CD82: variants seen among roughly 807,000 people sequenced by gnomAD.
CD82 encodes CD82 antigen.
In CD82, 36 loss-of-function variants were observed where a neutral mutation model predicts 37.4. That is an observed-to-expected ratio of 0.96 (90% confidence interval 0.74 to 1.27). CD82 has a LOEUF of 1.27. Ranked by LOEUF, CD82 falls within the 50% of genes most tolerant of loss-of-function variation. The pLI is 0.00. For synonymous variants in CD82, 158 were observed against 137.4 expected (o/e 1.15, Z -1.05); for missense variants, 340 against 347.0 (o/e 0.98, Z 0.16).
At chr11:44,603,062 TTTTTTCTGGGAGTAATCACTGGGAG>T (rs1304010161) in intron 4 of CD82, among the ~76,000 whole-genome samples, 1 of 152,192 alleles carries the variant, frequency 6.6e-6, no homozygotes. Context: ...TGTCAGTTTC[TTTTTTCTGGGAGTAATCACTGGGAG>T]GAATTGTTGG....
chr11:44,590,569 C>A (rs1228674702), intron 2 of CD82, among the ~76,000 whole-genome samples: 5 of 136,822 alleles, frequency 3.7e-5, no homozygotes, highest in Non-Finnish European at 7.6e-5. Flanking sequence ...CAAGATTGTG[C>A]CTCTGCCCTC....
intron 1 of CD82, among the ~76,000 whole-genome samples, chr11:44,571,583 A>T (rs1565078652): frequency 2.7e-5 from 4 of 150,756 alleles, no homozygotes; most frequent in Middle Eastern, 3.2e-3. Flanking sequence ...TTTTATTTTT[A>T]TTTTTTTTTG....
At chr11:44,600,373 G>A in intron 4 of CD82, 143 bp downstream of exon 4, 1 of 710,928 alleles carries the variant, frequency 1.4e-6, no homozygotes, top group Non-Finnish European at 2.4e-6. Flanking sequence ...AGGTCCTGCT[G>A]CCCACCACTG....
chr11:44,584,216 G>A (rs1025779192), intron 1 of CD82, among the ~76,000 whole-genome samples: 4 of 152,178 alleles, frequency 2.6e-5, no homozygotes, highest in African/African-American at 9.7e-5. Flanking sequence ...GCTCAGAGGG[G>A]TTTAGTTACT....
intron 1 of CD82, among the ~76,000 whole-genome samples, chr11:44,586,033 A>G (rs1411401197): frequency 6.6e-6 from 1 of 152,156 alleles, no homozygotes; most frequent in Non-Finnish European, 1.5e-5. Context: ...GCTGTACCAG[A>G]AACCCCAGGC....
intron 6 of CD82, chr11:44,608,142 T>C (rs779745825): frequency 1.3e-5 from 2 of 152,202 alleles, no homozygotes; most frequent in Non-Finnish European, 2.9e-5. Flanking sequence ...TAAATCTCAG[T>C]GGAAGACTAA....
intron 6 of CD82, among the ~76,000 whole-genome samples, chr11:44,612,623 ATTTTTTTTTTT>A (rs34301171): frequency 7.9e-5 from 5 of 63,042 alleles, no homozygotes; most frequent in Admixed American, 2.6e-4. Flanking sequence ...CCCAGCATTA[ATTTTTTTTTTT>A]TTTTTTTTTT....
chr11:44,612,532 G>A (rs1342136519), intron 6 of CD82, among the ~76,000 whole-genome samples: 1 of 124,552 alleles, frequency 8.0e-6, no homozygotes, highest in Admixed American at 7.6e-5. Flanking sequence ...CTCTGTATAA[G>A]GGCTTTTTTT....
intron 2 of CD82, among the ~76,000 whole-genome samples, chr11:44,589,290 A>G (rs1435976567): frequency 6.6e-6 from 1 of 152,210 alleles, no homozygotes; most frequent in Non-Finnish European, 1.5e-5. Context: ...AACAAAGATC[A>G]GTACCTCCAT....
At chr11:44,603,293 T>A (rs1307074605) in intron 4 of CD82, among the ~76,000 whole-genome samples, 2 of 152,174 alleles carry the variant, frequency 1.3e-5, no homozygotes, top group Non-Finnish European at 2.9e-5. Context: ...ACATTCTGTC[T>A]GTTATCAGGA....
In CD82 at chr11:44,567,699, C is replaced by T. The variant is rs566359867; in HGVS notation, c.-103+1963C>T. On this transcript the variant is annotated intron_variant, in intron 1 of 9. Coordinates refer to ENST00000227155, the MANE Select transcript of CD82 (RefSeq NM_002231.4). The stretch of plus-strand genomic sequence containing the variant: ...TAATGGAAAGCCCTCCCCACCACCA[C>T]CCCCACTTCCTGCTCGATGAATGAC... 9.5e-4 allele frequency among the ~76,000 whole-genome samples: 144 copies of T among 152,256 alleles called. 2 individuals are homozygous for T. In the South Asian group the frequency reaches 0.029, roughly 30 times the overall value.
At chr11:44,611,686 A>G (rs1193236129) in intron 6 of CD82, among the ~76,000 whole-genome samples, 3 of 152,142 alleles carry the variant, frequency 2.0e-5, no homozygotes, top group African/African-American at 7.2e-5. Flanking sequence ...TTTTTGTCTC[A>G]GTAGCTACCT....
At chr11:44,610,214 CTCAAGTATCTG>C (rs1853460622) in intron 6 of CD82, among the ~76,000 whole-genome samples, 1 of 152,188 alleles carries the variant, frequency 6.6e-6, no homozygotes, top group Non-Finnish European at 1.5e-5. Context: ...GTAGTCTAGT[CTCAAGTATCTG>C]GATGACATGT....
Position 44,619,378 on chromosome 11 carries a change from T to A in CD82, c.*252T>A. ...GTTCTCTTAGCAACTCAGAGAAAAATGCTCCCCACAGCGTCCCTGGCGCAG... is the reference window on the plus strand; with the variant it reads ...GTTCTCTTAGCAACTCAGAGAAAAAAGCTCCCCACAGCGTCCCTGGCGCAG... On this transcript the variant is annotated 3_prime_UTR_variant, in exon 10 of 10. Transcript: ENST00000227155. 2.0e-6 allele frequency: 1 copy of A among 507,658 alleles called. No individual in the cohort carries two copies. Among genetic ancestry groups the A allele is most frequent in the South Asian group, 2.4e-5 (1 of 41,226 alleles). The allele number at this position is 507,658 out of a possible 1,614,324, so 31.4% of individuals were successfully genotyped here.
At chr11:44,617,326 A>T (rs897717649) in intron 7 of CD82, among the ~76,000 whole-genome samples, 2 of 152,180 alleles carry the variant, frequency 1.3e-5, no homozygotes, top group Non-Finnish European at 2.9e-5. Context: ...TGGGAGGCCG[A>T]GGCGGGCGGA....
chr11:44,601,725 G>C (rs1039122842), intron 4 of CD82, among the ~76,000 whole-genome samples: 6 of 152,138 alleles, frequency 3.9e-5, no homozygotes, highest in African/African-American at 1.4e-4. Flanking sequence ...GCAGGAGGGG[G>C]TGCATTTTAC....
chr11:44,596,956 G>C (rs753621987), intron 3 of CD82: 3 of 456,238 alleles, frequency 6.6e-6, no homozygotes, highest in Non-Finnish European at 1.3e-5. Context: ...GAGGCTCTTG[G>C]CCTGGTCATG....
At chr11:44,615,226 C>A (rs373595434) in intron 6 of CD82, 46 bp from the exon 7 acceptor site, 4 of 1,315,854 alleles carry the variant, frequency 3.0e-6, no homozygotes, top group African/African-American at 1.4e-5. Context: ...CAGGTGGGCA[C>A]GGGTTTCAGG....
At position 44,565,744 on chromosome 11, in the gene CD82, AG is replaced by A; in HGVS notation, c.-103+13del. ...AGAAAGCAGAACCCGCAGGTGAGCA[AG>A]GGGGCAGCGGGCCGGGGTAGCCTGC... is the stretch of plus-strand genomic sequence containing the variant. On this transcript the variant is annotated intron_variant, in intron 1 of 9. Coordinates refer to ENST00000227155, the MANE Select transcript of CD82 (RefSeq NM_002231.4). The A allele has an allele frequency of 6.6e-6, 1 of 152,264 alleles. No individual in the cohort carries two copies. Among genetic ancestry groups the A allele is most frequent in the Admixed American group, 6.5e-5 (1 of 15,302 alleles). 9.4% of individuals were successfully genotyped at this position (152,264 alleles called of 1,614,324 possible).
Sources: allele counts gnomAD v4.1 joint callset (sites outside exome capture counted in the v4.1 genomes callset), GRCh38; gene constraint gnomAD v4.1.1; transcripts MANE v1.5; gene names NCBI Gene and HGNC (gene_info 2026-07-23, HGNC 2026-07-21).